The following MACROD2 variants were observed in gnomAD, a reference collection of about 807,000 sequenced individuals.
MACROD2 encodes mono-ADP ribosylhydrolase 2.
In MACROD2, 36 loss-of-function variants were observed where a neutral mutation model predicts 70.4. That is an observed-to-expected ratio of 0.51 (90% CI 0.39 to 0.68). The LOEUF is 0.68. Among genes scored for constraint, MACROD2 ranks in the 30% least tolerant of loss-of-function variants. The probability of loss-of-function intolerance (pLI) is 0.00; values close to 1 mark genes in which losing one functional copy is unlikely to be tolerated. For missense variants in MACROD2, 496 were observed against 538.4 expected (o/e 0.92, Z 0.78); for synonymous variants, 172 against 178.8 (o/e 0.96, Z 0.30).
intron 5 of MACROD2, among the ~76,000 whole-genome samples, chr20:15,045,833 A>G (rs1183374696): frequency 6.9e-6 from 1 of 144,200 alleles, no homozygotes; most frequent in Non-Finnish European, 1.5e-5. Context: ...ACTTCATTAT[A>G]TTGAAGTGCT....
At chr20:15,208,772 G>T (rs189841269) in intron 5 of MACROD2, among the ~76,000 whole-genome samples, 3 of 152,296 alleles carry the variant, frequency 2.0e-5, no homozygotes, top group Admixed American at 2.0e-4. Flanking sequence ...TCCCCAGTTA[G>T]CTTCCACTGA....
intron 5 of MACROD2, among the ~76,000 whole-genome samples, chr20:14,837,323 T>TA (rs1031920457): frequency 7.9e-5 from 12 of 151,588 alleles, no homozygotes; most frequent in East Asian, 1.9e-4. Context: ...AGGAAATTGT[T>TA]AAAAAAAAAT....
At chr20:15,838,954 T>C (rs2064142906) in intron 8 of MACROD2, among the ~76,000 whole-genome samples, 1 of 152,158 alleles carries the variant, frequency 6.6e-6, no homozygotes, top group Non-Finnish European at 1.5e-5. Context: ...ACTCAACTCA[T>C]ACATGTGTAT....
chr20:15,541,689 G>A (rs1411663922), intron 8 of MACROD2, among the ~76,000 whole-genome samples: 1 of 152,102 alleles, frequency 6.6e-6, no homozygotes, highest in Non-Finnish European at 1.5e-5. Context: ...AAACATTCTT[G>A]TGAAAACATT....
intron 4 of MACROD2, among the ~76,000 whole-genome samples, chr20:14,496,077 A>G (rs1334456273): frequency 6.6e-6 from 1 of 152,204 alleles, no homozygotes; most frequent in Non-Finnish European, 1.5e-5. Context: ...TTTTGACCTT[A>G]TGATTCTATG....
intron 5 of MACROD2, among the ~76,000 whole-genome samples, chr20:14,851,948 C>T (rs1473571918): frequency 6.6e-6 from 1 of 152,108 alleles, no homozygotes; most frequent in African/African-American, 2.4e-5. Context: ...GAGAAGGTGG[C>T]ATGGTAATGG....
chr20:15,442,500 G>A (rs1370058935), intron 7 of MACROD2, among the ~76,000 whole-genome samples: 1 of 151,998 alleles, frequency 6.6e-6, no homozygotes, highest in African/African-American at 2.4e-5. Flanking sequence ...ACCCGCCCTG[G>A]TGCTGGCAAA....
intron 2 of MACROD2, among the ~76,000 whole-genome samples, chr20:14,046,672 C>G (rs1247477126): frequency 6.6e-6 from 1 of 152,052 alleles, no homozygotes; most frequent in Non-Finnish European, 1.5e-5. Context: ...TACGTCATCA[C>G]TTTGTTCATC....
At chr20:14,625,993 T>G (rs1446200595) in intron 4 of MACROD2, among the ~76,000 whole-genome samples, 1 of 152,076 alleles carries the variant, frequency 6.6e-6, no homozygotes, top group Non-Finnish European at 1.5e-5. Flanking sequence ...CGGCTAATTT[T>G]TTTGGTATTT....
At chr20:14,559,585 T>C (rs1979288184) in intron 4 of MACROD2, among the ~76,000 whole-genome samples, 1 of 151,872 alleles carries the variant, frequency 6.6e-6, no homozygotes, top group African/African-American at 2.4e-5. Context: ...TTTACACTTT[T>C]CTACTTGTTC....
At chr20:15,160,223 A>G (rs2076338776) in intron 5 of MACROD2, among the ~76,000 whole-genome samples, 1 of 152,164 alleles carries the variant, frequency 6.6e-6, no homozygotes, top group Non-Finnish European at 1.5e-5. Context: ...GAGAGCATTA[A>G]GAAGAGAAAC....
intron 8 of MACROD2, among the ~76,000 whole-genome samples, chr20:15,698,405 A>G (rs1235337250): frequency 6.6e-6 from 1 of 152,198 alleles, no homozygotes; most frequent in Non-Finnish European, 1.5e-5. Flanking sequence ...ATATGGCCCC[A>G]ATCCCTTCTA....
chr20:14,455,431 C>T (rs1030840675), intron 3 of MACROD2, among the ~76,000 whole-genome samples: 3 of 151,984 alleles, frequency 2.0e-5, no homozygotes, highest in Middle Eastern at 3.4e-3. Flanking sequence ...GAAAGAAATA[C>T]TCTCATCAAT....
chr20:16,044,742 C>A, intron 17 of MACROD2, 103 bp downstream of exon 17: 1 of 1,019,372 alleles, frequency 9.8e-7, no homozygotes, highest in Non-Finnish European at 1.5e-6. Context: ...GTCCCCACAG[C>A]ATGGCTTGGG....
At chr20:15,925,349 G>A (rs1474846448) in intron 10 of MACROD2, among the ~76,000 whole-genome samples, 1 of 152,142 alleles carries the variant, frequency 6.6e-6, no homozygotes, top group East Asian at 1.9e-4. Context: ...TCTCTGCAAG[G>A]CACTGCAACT....
intron 3 of MACROD2, among the ~76,000 whole-genome samples, chr20:14,159,254 G>GA (rs1453844021): frequency 6.6e-6 from 1 of 151,888 alleles, no homozygotes; most frequent in Non-Finnish European, 1.5e-5. Context: ...AAAAGAAAAA[G>GA]AAAAAAACAG....
chr20:15,971,636 C>T (rs1245089428), intron 13 of MACROD2, among the ~76,000 whole-genome samples: 3 of 152,164 alleles, frequency 2.0e-5, no homozygotes, highest in Non-Finnish European at 4.4e-5. Context: ...TCTATGATAT[C>T]ACCCACTGAG....
chr20:14,692,258 A>T (rs1267475888), intron 5 of MACROD2, among the ~76,000 whole-genome samples: 1 of 152,148 alleles, frequency 6.6e-6, no homozygotes, highest in Non-Finnish European at 1.5e-5. Flanking sequence ...TGCCCTAGAG[A>T]GTGGTGGAAT....
At chr20:14,452,335 C>T (rs1476524379) in intron 3 of MACROD2, among the ~76,000 whole-genome samples, 1 of 151,988 alleles carries the variant, frequency 6.6e-6, no homozygotes, top group Non-Finnish European at 1.5e-5. Flanking sequence ...AACATCTTAA[C>T]ATTTAGGGAT....
Sources: gnomAD v4.1 joint callset for allele counts (sites outside exome capture counted in the v4.1 genomes callset) on GRCh38, gnomAD v4.1.1 for gene constraint, MANE v1.5 for transcripts, NCBI Gene and HGNC (gene_info 2026-07-23, HGNC 2026-07-21) for gene names.